The following CDS1 variants were observed in gnomAD, a reference collection of about 807,000 sequenced individuals.
CDS1 encodes the protein CDP-diacylglycerol synthase 1.
A neutral mutation model predicts 62.1 loss-of-function variants in CDS1; 41 were observed. That is an observed-to-expected ratio of 0.66 (90% CI 0.51 to 0.86). The LOEUF is 0.86. Ranked by LOEUF, CDS1 falls within the 40% of genes least tolerant of loss-of-function variation. The probability of loss-of-function intolerance (pLI) is 0.00; values close to 1 mark genes in which losing one functional copy is unlikely to be tolerated. For synonymous variants in CDS1, 185 were observed against 192.6 expected (o/e 0.96, Z 0.32); for missense variants, 470 against 550.1 (o/e 0.85, Z 1.46).
chr4:84,599,215 T>G (rs1457821930), intron 1 of CDS1, among the ~76,000 whole-genome samples: 3 of 151,944 alleles, frequency 2.0e-5, no homozygotes, highest in Non-Finnish European at 4.4e-5. Context: ...TTGTGCCTCT[T>G]TATAAGGGCA....
At chr4:84,619,044 T>TACACACACACACACACACAC (rs33991933) in intron 4 of CDS1, among the ~76,000 whole-genome samples, 2 of 140,896 alleles carry the variant, frequency 1.4e-5, no homozygotes, top group African/African-American at 2.6e-5. Context: ...ATTAAATTTA[T>TACACACACACACACACACAC]ACACACACAC....
At chr4:84,627,378 GA>G (rs1723893687) in intron 5 of CDS1, among the ~76,000 whole-genome samples, 1 of 152,118 alleles carries the variant, frequency 6.6e-6, no homozygotes, top group South Asian at 2.1e-4. Context: ...TGATAGCAGA[GA>G]AAATCAGGGA....
chr4:84,617,470 T>G, intron 3 of CDS1, 94 bp from the exon 4 acceptor site: 1 of 682,622 alleles, frequency 1.5e-6, no homozygotes, highest in Non-Finnish European at 2.6e-6. Flanking sequence ...TAGATTAAGA[T>G]TTTTTAAATA....
chr4:84,610,203 A>G (rs893498070), intron 3 of CDS1, among the ~76,000 whole-genome samples: 13 of 152,174 alleles, frequency 8.5e-5, no homozygotes, highest in African/African-American at 3.1e-4. Flanking sequence ...AAAGCACCTA[A>G]TCCAGTCTGA....
chr4:84,625,508 C>T (rs536689825), intron 5 of CDS1, among the ~76,000 whole-genome samples: 6 of 152,034 alleles, frequency 3.9e-5, no homozygotes, highest in Non-Finnish European at 7.4e-5. Context: ...AAGGAAAGAG[C>T]AAGCAGGCAG....
At chr4:84,592,505 A>G (rs1722623470) in intron 1 of CDS1, among the ~76,000 whole-genome samples, 1 of 152,112 alleles carries the variant, frequency 6.6e-6, no homozygotes, top group African/African-American at 2.4e-5. Flanking sequence ...CCTGAGATAC[A>G]CCAAGTTTAT....
At chr4:84,595,948 C>G (rs1283316860) in intron 1 of CDS1, among the ~76,000 whole-genome samples, 2 of 151,892 alleles carry the variant, frequency 1.3e-5, no homozygotes, top group Non-Finnish European at 2.9e-5. Context: ...AGCCAAACAT[C>G]TAGGAAAGTC....
chr4:84,608,402 C>A (rs1424045931), intron 2 of CDS1, among the ~76,000 whole-genome samples: 1 of 152,166 alleles, frequency 6.6e-6, no homozygotes, highest in Non-Finnish European at 1.5e-5. Flanking sequence ...TCTCGATCTC[C>A]TGACCTCGTG....
intron 3 of CDS1, among the ~76,000 whole-genome samples, chr4:84,610,343 T>C (rs1723280100): frequency 6.6e-6 from 1 of 152,142 alleles, no homozygotes; most frequent in South Asian, 2.1e-4. Context: ...ATGCGGTCCA[T>C]TGGAAGATCT....
chr4:84,604,656 C>G (rs537030852), intron 2 of CDS1, among the ~76,000 whole-genome samples: 49 of 152,306 alleles, frequency 3.2e-4, no homozygotes, highest in Admixed American at 1.2e-3. Context: ...GATTCTGAAG[C>G]CTGTGATCTA....
intron 10 of CDS1, among the ~76,000 whole-genome samples, 180 bp from the exon 11 acceptor site, chr4:84,642,843 AG>A (rs1294561438): frequency 3.3e-5 from 5 of 152,194 alleles, no homozygotes; most frequent in Admixed American, 3.3e-4. Context: ...GGCTAAGTAG[AG>A]GATGGTACAG....
At position 84,595,151 on chromosome 4, in the gene CDS1, T is replaced by C. The variant is rs1722710200; in HGVS notation, c.118-9092T>C. Among the ~76,000 whole-genome samples, 3 of 152,160 alleles carry C rather than the reference T, an allele frequency of 2.0e-5. No homozygotes were observed. In the South Asian group the frequency reaches 6.2e-4, roughly 32 times the overall value. ...GGGAGAGTCCAGTAGCAGCCTCAGA[T>C]GACTGGCTAAAGGTGATAAAAGAAA... On this transcript the variant is annotated intron_variant, in intron 1 of 12. Coordinates refer to ENST00000295887, the MANE Select transcript of CDS1 (RefSeq NM_001263.4).
At chr4:84,600,652 A>G (rs1037059343) in intron 1 of CDS1, among the ~76,000 whole-genome samples, 4 of 152,150 alleles carry the variant, frequency 2.6e-5, no homozygotes, top group Admixed American at 6.5e-5. Flanking sequence ...CATTTTGTCT[A>G]TTTTGTCAAT....
In CDS1 at chr4:84,648,587, G is replaced by A. The variant is rs1192505382; in HGVS notation, c.1287G>A (p.Gln429=). 8 of 1,613,758 alleles carry A rather than the reference G, an allele frequency of 5.0e-6. No individual in the cohort carries two copies. The highest frequency in any genetic ancestry group is 6.8e-6 in the Non-Finnish European group (8 of 1,179,866). Residue 429 remains glutamine, a synonymous_variant, in exon 13 of 13, where the codon CAG becomes CAA. Coordinates refer to ENST00000295887, the MANE Select transcript of CDS1 (RefSeq NM_001263.4). ...CAAATCCCAGCAAAGTGCTACAGCA[G>A]TTGTTGGTGCTTCAACCTGAACAGC... ...RGPNPSKVLQ[Q]LLVLQPEQQL...
intron 5 of CDS1, 117 bp from the exon 6 acceptor site, chr4:84,631,698 CTGAG>C: frequency 1.3e-6 from 1 of 743,498 alleles, no homozygotes; most frequent in Non-Finnish European, 2.4e-6. Flanking sequence ...GAGATGGCAT[CTGAG>C]TAAGTAGCTA....
At chr4:84,635,399 A>AG in intron 8 of CDS1, 48 bp downstream of exon 8, 1 of 881,618 alleles carries the variant, frequency 1.1e-6, no homozygotes, top group Non-Finnish European at 1.9e-6. Flanking sequence ...CTTAAAGATT[A>AG]GCCACTGGAG....
chr4:84,612,509 A>G (rs926610869), intron 3 of CDS1, among the ~76,000 whole-genome samples: 38 of 152,166 alleles, frequency 2.5e-4, no homozygotes, highest in Admixed American at 1.2e-3. Context: ...ACTCTTTAAG[A>G]CAAAATTCAA....
rs34695122 is a variant in CDS1 at position 84,648,603 on chromosome 4, C to G, written c.1303C>G (p.Pro435Ala). Residue 435 changes from proline (P) to alanine (A), a missense_variant, in exon 13 of 13, where the codon CCT becomes GCT. Physicochemically the swap from Pro to Ala is conservative, Grantham distance 27. Around this residue, in one of 5 missense-constraint regions of CDS1, gnomAD observed 68 missense variants for 81.5 expected, o/e 0.83. Coordinates refer to ENST00000295887, the MANE Select transcript of CDS1 (RefSeq NM_001263.4). ...KVLQQLLVLQ[P>A]EQQLNIYKTL... ...GCTACAGCAGTTGTTGGTGCTTCAA[C>G]CTGAACAGCAGTTAAATATATATAA... 2.8e-4 allele frequency: 445 copies of G among 1,613,848 alleles called. No individual in the cohort carries two copies. The African/African-American group carries it at 4.9e-3, about 18-fold the overall frequency.
At position 84,649,692 on chromosome 4, in the gene CDS1, CAAG is replaced by C. The variant is rs1724674023; in HGVS notation, c.*1010_*1012del. ...TGCAGCCCTTTGTAGACTCACCTCGCAAGAAGGAAGATCTGCCTGGAGACCTGA... is the reference window on the plus strand; with the variant it reads ...TGCAGCCCTTTGTAGACTCACCTCGCAAGGAAGATCTGCCTGGAGACCTGA... On this transcript the variant is annotated 3_prime_UTR_variant, in exon 13 of 13. Coordinates refer to ENST00000295887, the MANE Select transcript of CDS1 (RefSeq NM_001263.4). 6.6e-6 allele frequency: 1 copy of C among 152,202 alleles called. No homozygotes were observed. The highest frequency in any genetic ancestry group is 2.4e-5 in the African/African-American group (1 of 41,442). 9.4% of individuals were successfully genotyped at this position (152,202 alleles called of 1,614,324 possible).
Sources: gnomAD v4.1 joint callset for allele counts (sites outside exome capture counted in the v4.1 genomes callset) on GRCh38, gnomAD v4.1.1 for gene constraint, gnomAD v4.1.1 regional missense constraint, MANE v1.5 for transcripts, NCBI Gene and HGNC (gene_info 2026-07-23, HGNC 2026-07-21) for gene names.